Variants in TG observed in about 807,000 individuals in gnomAD.
TG encodes the protein thyroid hormones.
A neutral mutation model predicts 324.7 loss-of-function variants in TG; 270 were observed. The observed-to-expected ratio is 0.83, with a 90% CI of 0.75 to 0.92. TG has a LOEUF of 0.92. Among genes scored for constraint, TG ranks in the 40% least tolerant of loss-of-function variants. The pLI, the probability that TG is intolerant of heterozygous loss-of-function variation, is 0.00. For synonymous variants in TG, 1,401 were observed against 1,327.0 expected, an observed-to-expected ratio of 1.06 and a Z score of -1.21; for missense variants, 3,591 against 3,456.4, an observed-to-expected ratio of 1.04 and a Z score of -0.98.
At chr8:133,075,400 G>A (rs1844710426) in intron 41 of TG, among the ~76,000 whole-genome samples, 1 of 152,140 alleles carries the variant, frequency 6.6e-6, no homozygotes, top group Non-Finnish European at 1.5e-5. Context: ...AATGCTTTGA[G>A]ATTAAAGGAG....
chr8:133,039,571 C>G (rs900134493), intron 41 of TG, among the ~76,000 whole-genome samples: 1 of 152,018 alleles, frequency 6.6e-6, no homozygotes, highest in East Asian at 1.9e-4. Flanking sequence ...GTTTTTTTCT[C>G]TTAGAAAAAA....
At chr8:133,082,704 T>C (rs1845937847) in intron 41 of TG, among the ~76,000 whole-genome samples, 1 of 152,226 alleles carries the variant, frequency 6.6e-6, no homozygotes, top group South Asian at 2.1e-4. Context: ...CAATCACTTC[T>C]AAGTGTGCTT....
At chr8:132,990,898 G>A (rs902231699) in intron 35 of TG, among the ~76,000 whole-genome samples, 1 of 146,378 alleles carries the variant, frequency 6.8e-6, no homozygotes, top group African/African-American at 2.5e-5. Flanking sequence ...CTGAGATGAA[G>A]TTTAGTAGGA....
intron 41 of TG, among the ~76,000 whole-genome samples, chr8:133,035,852 C>A (rs932496831): frequency 6.6e-6 from 1 of 152,226 alleles, no homozygotes; most frequent in Non-Finnish European, 1.5e-5. Context: ...CTCCACACAG[C>A]ATGATCTTTT....
intron 24 of TG, among the ~76,000 whole-genome samples, chr8:132,934,222 C>T (rs1191603685): frequency 6.6e-6 from 1 of 152,002 alleles, no homozygotes; most frequent in Non-Finnish European, 1.5e-5. Flanking sequence ...GTAATCCCAG[C>T]TACTGGGGAG....
intron 20 of TG, 94 bp from the exon 21 acceptor site, chr8:132,919,282 T>A: frequency 1.5e-6 from 2 of 1,332,054 alleles, no homozygotes; most frequent in Non-Finnish European, 2.1e-6. Context: ...GCTCTTGAAC[T>A]GGTTTGAGGA....
At chr8:132,901,051 C>T (rs1056203511) in intron 15 of TG, among the ~76,000 whole-genome samples, 1 of 152,236 alleles carries the variant, frequency 6.6e-6, no homozygotes, top group African/African-American at 2.4e-5. Context: ...TAGGCTCCTA[C>T]ACTGCACTAT....
In TG at chr8:133,113,617, C is replaced by T. The variant is rs1405446727; in HGVS notation, c.7754+14C>T. ...GAATGCCACCCGGTAAGCTAAGCTG[C>T]AGGAGGGTGCAGATTCCTACTGCTA... is the stretch of plus-strand genomic sequence containing the variant. On this transcript the variant is annotated intron_variant, in intron 44 of 47. Transcript: ENST00000220616. The T allele has an allele frequency of 1.2e-6, 2 of 1,612,578 alleles. No homozygotes were observed. The highest frequency in any genetic ancestry group is 3.3e-5 in the Admixed American group (2 of 59,784).
intron 21 of TG, among the ~76,000 whole-genome samples, chr8:132,921,916 C>T (rs1188649254): frequency 1.3e-5 from 2 of 152,168 alleles, no homozygotes; most frequent in South Asian, 2.1e-4. Flanking sequence ...AATATAGAAA[C>T]TCAGATGTTA....
At chr8:132,967,702 C>T (rs920254531) in intron 30 of TG, 92 bp from the exon 31 acceptor site, 3 of 1,424,206 alleles carry the variant, frequency 2.1e-6, no homozygotes, top group Non-Finnish European at 2.9e-6. Context: ...GGGATCTCTA[C>T]CAGGCATTTC....
At chr8:133,002,693 G>C (rs935130406) in intron 35 of TG, 6 of 234,496 alleles carry the variant, frequency 2.6e-5, no homozygotes, top group Non-Finnish European at 4.3e-5. Flanking sequence ...CGTGGAGCAA[G>C]CTGGCGCTTC....
intron 25 of TG, among the ~76,000 whole-genome samples, chr8:132,941,102 C>T (rs1315424832): frequency 4.6e-5 from 7 of 152,106 alleles, no homozygotes; most frequent in Non-Finnish European, 7.4e-5. Context: ...CCCTTTGGAC[C>T]CTTGAAGACG....
At chr8:133,122,419 G>A (rs1376803539) in intron 45 of TG, among the ~76,000 whole-genome samples, 4 of 152,210 alleles carry the variant, frequency 2.6e-5, no homozygotes, top group Admixed American at 6.5e-5. Context: ...CCAGGGATGT[G>A]AGCAGATTAC....
At chr8:133,109,044 CAG>C (rs1850058022) in intron 43 of TG, among the ~76,000 whole-genome samples, 1 of 152,212 alleles carries the variant, frequency 6.6e-6, no homozygotes, top group African/African-American at 2.4e-5. Flanking sequence ...AACTGAGCTA[CAG>C]AGAGAGGCAG....
chr8:133,021,757 A>G (rs912383171), intron 39 of TG, among the ~76,000 whole-genome samples: 11 of 152,120 alleles, frequency 7.2e-5, no homozygotes, highest in Non-Finnish European at 1.3e-4. Flanking sequence ...TGGTGACTTC[A>G]TTTTACCTTA....
At chr8:133,011,097 GAT>G (rs1834465985) in intron 35 of TG, among the ~76,000 whole-genome samples, 1 of 152,164 alleles carries the variant, frequency 6.6e-6, no homozygotes, top group East Asian at 1.9e-4. Context: ...GCATGCTTGG[GAT>G]ATAGAAGGAA....
intron 10 of TG, among the ~76,000 whole-genome samples, chr8:132,892,506 T>G (rs1816369313): frequency 1.3e-5 from 2 of 152,242 alleles, no homozygotes; most frequent in Non-Finnish European, 2.9e-5. Flanking sequence ...GTATGAGCTA[T>G]TACTCATCTT....
At chr8:133,030,550 T>A (rs1056199103) in intron 41 of TG, among the ~76,000 whole-genome samples, 2 of 152,246 alleles carry the variant, frequency 1.3e-5, no homozygotes, top group African/African-American at 4.8e-5. Flanking sequence ...GATCTGTCAT[T>A]GATTAGTTTC....
At chr8:133,059,026 G>A (rs558049622) in intron 41 of TG, 1 of 458,690 alleles carries the variant, frequency 2.2e-6, no homozygotes, top group African/African-American at 2.0e-5. Flanking sequence ...AGGCTCCTTT[G>A]TGAGGGAGCC....
Sources: gnomAD v4.1 joint callset for allele counts (sites outside exome capture counted in the v4.1 genomes callset) on GRCh38, gnomAD v4.1.1 for gene constraint, MANE v1.5 for transcripts, NCBI Gene and HGNC (gene_info 2026-07-23, HGNC 2026-07-21) for gene names.